The following POLE2 variants were observed in gnomAD, a reference collection of about 807,000 sequenced individuals.
POLE2 encodes the protein DNA polymerase epsilon 2, accessory subunit.
Under a neutral mutation model 79.4 loss-of-function variants are expected in POLE2, and 56 were observed. The ratio of observed to expected loss-of-function variants is 0.71; its 90% CI spans 0.57 to 0.88. The LOEUF (loss-of-function observed/expected upper bound fraction) is 0.88. Among genes scored for constraint, POLE2 ranks in the 40% least tolerant of loss-of-function variants. POLE2 has a pLI of 0.00. For synonymous variants in POLE2, 212 were observed against 214.0 expected, an observed-to-expected ratio of 0.99 and a Z score of 0.08; for missense variants, 598 against 638.9, an observed-to-expected ratio of 0.94 and a Z score of 0.69.
intron 7 of POLE2, among the ~76,000 whole-genome samples, chr14:49,665,799 T>A (rs574698248): frequency 1.3e-3 from 201 of 152,108 alleles, no homozygotes; most frequent in Non-Finnish European, 2.4e-3. Context: ...AAAATGGGTT[T>A]CTCTGCTGAA....
In POLE2 at chr14:49,683,586, T is replaced by G. The variant is rs762045418; in HGVS notation, c.169+7A>C. On this transcript the variant is annotated splice_region_variant and intron_variant, in intron 2 of 18. Transcript: ENST00000216367. ...CAATTTAGGAGTTATCAGAAAATAT[T>G]ACTTACAGGGTTGCTTCTCAACTGC... The G allele has an allele frequency of 2.0e-5, 26 of 1,309,036 alleles. No homozygotes were observed. Among genetic ancestry groups the G allele is most frequent in the Middle Eastern group, 4.4e-4 (2 of 4,506 alleles). 81.1% of individuals were successfully genotyped at this position (1,309,036 alleles called of 1,614,324 possible). A position where few individuals can be genotyped will look rare whatever the true frequency, so the allele number is the denominator to read the frequency against.
chr14:49,667,181 T>A, intron 6 of POLE2, among the ~76,000 whole-genome samples: 1 of 151,074 alleles, frequency 6.6e-6, no homozygotes, highest in East Asian at 1.9e-4. Flanking sequence ...CAAGACTCTG[T>A]CTCAAAAAAA....
rs151106000 is a variant in POLE2 at position 49,679,425 on chromosome 14, A to T, written c.245+300T>A. 7.8e-3 allele frequency: 2,041 copies of T among 262,342 alleles called. 25 individuals carry two copies. Among genetic ancestry groups the T allele is most frequent in the African/African-American group, 0.035 (1,598 of 45,218 alleles). 16.3% of individuals were successfully genotyped at this position (262,342 alleles called of 1,614,324 possible). A position where few individuals can be genotyped will look rare whatever the true frequency, so the allele number is the denominator to read the frequency against. On this transcript the variant is annotated intron_variant, in intron 3 of 18. Coordinates refer to ENST00000216367, the MANE Select transcript of POLE2 (RefSeq NM_002692.4). ...AATTATACTTCTGAATATTCATTTC[A>T]ATTCAACTCATTTGTAGCATACAGA...
chr14:49,686,689 C>G (rs1007132103), intron 1 of POLE2, among the ~76,000 whole-genome samples: 5 of 152,192 alleles, frequency 3.3e-5, no homozygotes, highest in African/African-American at 1.2e-4. Context: ...CTTACCCCAG[C>G]ACGGTGCTTT....
At chr14:49,661,953 T>C (rs568337348) in intron 10 of POLE2, among the ~76,000 whole-genome samples, 10 of 152,262 alleles carry the variant, frequency 6.6e-5, no homozygotes, top group African/African-American at 2.2e-4. Context: ...GAGAAACAAA[T>C]GGTAAACTCA....
In POLE2 at chr14:49,646,319, T is replaced by G. The variant is rs922213750; in HGVS notation, c.1565+974A>C. On this transcript the variant is annotated intron_variant, in intron 18 of 18. Coordinates refer to ENST00000216367, the MANE Select transcript of POLE2 (RefSeq NM_002692.4). Reference sequence around the variant, plus strand: ...TTTTGTTGGTTTTTTTTTTTTTTTTTTTTTTTTTTTTTTTTTGAGATAGAG... The same window carrying G: ...TTTTGTTGGTTTTTTTTTTTTTTTTGTTTTTTTTTTTTTTTTGAGATAGAG... Among the ~76,000 whole-genome samples, 101 of 71,720 alleles carry G rather than the reference T, an allele frequency of 1.4e-3. 2 individuals are homozygous for G. The highest frequency in any genetic ancestry group is 3.1e-3 in the Non-Finnish European group (78 of 25,234). The allele number at this position is 71,720 out of a possible 152,430, so 47.1% of individuals were successfully genotyped here.
intron 9 of POLE2, among the ~76,000 whole-genome samples, 164 bp from the exon 10 acceptor site, chr14:49,663,551 G>A (rs1885246329): frequency 6.6e-6 from 1 of 152,206 alleles, no homozygotes; most frequent in African/African-American, 2.4e-5. Context: ...TAGATCCACA[G>A]AGAGTCTCAA....
chr14:49,666,522 CT>C, intron 6 of POLE2, 109 bp from the exon 7 acceptor site: 1 of 443,890 alleles, frequency 2.3e-6, no homozygotes, highest in Non-Finnish European at 4.0e-6. Flanking sequence ...TTTATAGCTA[CT>C]TTACAGTAGA....
At chr14:49,676,188 A>G (rs933564755) in intron 3 of POLE2, among the ~76,000 whole-genome samples, 1 of 152,232 alleles carries the variant, frequency 6.6e-6, no homozygotes, top group Non-Finnish European at 1.5e-5. Context: ...AAAAAAAATT[A>G]TTTAATTTCA....
chr14:49,647,196 A>G, intron 18 of POLE2, 97 bp downstream of exon 18: 2 of 682,574 alleles, frequency 2.9e-6, no homozygotes, highest in Non-Finnish European at 5.1e-6. Context: ...CACTGTAGAC[A>G]TTTTCAAAAA....
chr14:49,664,680 C>T lies in POLE2; in HGVS notation c.634-6G>A. The T allele has an allele frequency of 6.4e-7, 1 of 1,562,690 alleles. No individual in the cohort carries two copies. Among genetic ancestry groups the T allele is most frequent in the Non-Finnish European group, 8.8e-7 (1 of 1,134,100 alleles). Reference sequence around the variant, plus strand: ...TATAAACCACTATGGAACTGGTACACAACAGTTGAGGAAAATAATTCTATT... The same window carrying T: ...TATAAACCACTATGGAACTGGTACATAACAGTTGAGGAAAATAATTCTATT... On this transcript the variant is annotated splice_region_variant and splice_polypyrimidine_tract_variant and intron_variant, in intron 8 of 18. Transcript: ENST00000216367.
intron 2 of POLE2, among the ~76,000 whole-genome samples, chr14:49,682,640 G>GGAAAAAAAAAAAAAAAAA (rs1373991966): frequency 1.5e-4 from 9 of 60,974 alleles, no homozygotes; most frequent in African/African-American, 5.2e-4. Flanking sequence ...CCTTCTCAGG[G>GGAAAAAAAAAAAAAAAAA]AAAAAAAAAA....
At chr14:49,682,163 C>G (rs1886760981) in intron 2 of POLE2, among the ~76,000 whole-genome samples, 1 of 151,420 alleles carries the variant, frequency 6.6e-6, no homozygotes, top group Non-Finnish European at 1.5e-5. Flanking sequence ...TGCCACCATG[C>G]CTGGCTAATT....
At position 49,688,185 on chromosome 14, in the gene POLE2, G is replaced by T; in HGVS notation, c.19C>A (p.Arg7=). 2 of 1,538,538 alleles carry T rather than the reference G, an allele frequency of 1.3e-6. No individual in the cohort carries two copies. The highest frequency in any genetic ancestry group is 1.2e-5 in the South Asian group (1 of 83,556). MAPERL[R]SRALSAFKLR... ...TTGAAGGCGGAGAGCGCCCGGCTCC[G>T]CAGCCGCTCCGGCGCCATATTTGCG... Residue 7 remains arginine (R), a synonymous_variant, in exon 1 of 19, where the codon CGG becomes AGG. Transcript: ENST00000216367.
At chr14:49,682,506 G>A (rs571887005) in intron 2 of POLE2, among the ~76,000 whole-genome samples, 2 of 150,706 alleles carry the variant, frequency 1.3e-5, no homozygotes, top group Non-Finnish European at 3.0e-5. Context: ...GCATGGTGGC[G>A]CACACCTGTA....
chr14:49,648,118 G>A (rs1883920823), intron 17 of POLE2, among the ~76,000 whole-genome samples: 1 of 152,154 alleles, frequency 6.6e-6, no homozygotes. Flanking sequence ...CCCTTCCTAT[G>A]TGCCTGTAAA....
rs117231491 is a variant in POLE2 at position 49,658,611 on chromosome 14, G to A, written c.756-2768C>T. Reference sequence around the variant, plus strand: ...GTCATGCACGGCATAAAAACGTTTTGGCAATGACGGACTGCATATATGAGT... The same window carrying A: ...GTCATGCACGGCATAAAAACGTTTTAGCAATGACGGACTGCATATATGAGT... On this transcript the variant is annotated intron_variant, in intron 10 of 18. Coordinates refer to ENST00000216367, the MANE Select transcript of POLE2 (RefSeq NM_002692.4). 1.1e-3 allele frequency among the ~76,000 whole-genome samples: 169 copies of A among 152,238 alleles called. 3 individuals carry two copies. In the East Asian group the frequency reaches 0.018, roughly 17 times the overall value.
intron 3 of POLE2, chr14:49,677,529 G>A: frequency 2.1e-6 from 1 of 487,194 alleles, no homozygotes; most frequent in Admixed American, 3.4e-5. Flanking sequence ...ACCAGGCCCT[G>A]ACCCTGCCGG....
intron 1 of POLE2, among the ~76,000 whole-genome samples, chr14:49,685,445 A>G (rs1367411005): frequency 6.6e-6 from 1 of 152,174 alleles, no homozygotes; most frequent in Non-Finnish European, 1.5e-5. Flanking sequence ...ATCTTGGGAC[A>G]GTTCTTAGCA....
Sources: gnomAD v4.1 joint callset for allele counts (sites outside exome capture counted in the v4.1 genomes callset) on GRCh38, gnomAD v4.1.1 for gene constraint, MANE v1.5 for transcripts, NCBI Gene and HGNC (gene_info 2026-07-23, HGNC 2026-07-21) for gene names.